The following ASIC2 variants were observed in gnomAD, a reference collection of about 807,000 sequenced individuals.
The protein encoded by ASIC2 is acid sensing ion channel subunit 2.
ASIC2 carries 25 observed loss-of-function variants against 57.3 expected under a neutral mutation model. The ratio of observed to expected loss-of-function variants is 0.44; its 90% confidence interval spans 0.32 to 0.61. ASIC2 has a LOEUF of 0.61. Ranked by LOEUF, ASIC2 falls within the 20% of genes least tolerant of loss-of-function variation. The pLI, the probability that ASIC2 is intolerant of heterozygous loss-of-function variation, is 0.06. For missense variants in ASIC2, 641 were observed against 738.1 expected (o/e 0.87, Z 1.52); for synonymous variants, 319 against 307.5 (o/e 1.04, Z -0.39).
intron 1 of ASIC2, among the ~76,000 whole-genome samples, chr17:33,282,479 G>GTGTGTGTGTGCT (rs1555592666): frequency 3.3e-4 from 48 of 147,110 alleles, no homozygotes; most frequent in South Asian, 1.3e-3. Context: ...GTGTGTGCTT[G>GTGTGTGTGTGCT]TGTGTGTGTG....
At chr17:33,903,478 C>T (rs1340009180) in intron 1 of ASIC2, among the ~76,000 whole-genome samples, 5 of 152,186 alleles carry the variant, frequency 3.3e-5, no homozygotes, top group Non-Finnish European at 5.9e-5. Context: ...ACACTGCATG[C>T]TTTCTTTAGA....
chr17:33,283,321 G>A (rs370448002), intron 1 of ASIC2, among the ~76,000 whole-genome samples: 63 of 151,466 alleles, frequency 4.2e-4, no homozygotes, highest in African/African-American at 1.5e-3. Flanking sequence ...GTCTCTCAAA[G>A]CGAGTGTGGT....
At chr17:33,629,431 G>A (rs951845277) in intron 1 of ASIC2, among the ~76,000 whole-genome samples, 4 of 152,158 alleles carry the variant, frequency 2.6e-5, no homozygotes, top group African/African-American at 9.7e-5. Flanking sequence ...AGAATCTGAC[G>A]GAAATCAGAG....
At chr17:33,958,779 C>T (rs907293731) in intron 1 of ASIC2, among the ~76,000 whole-genome samples, 1 of 152,176 alleles carries the variant, frequency 6.6e-6, no homozygotes, top group African/African-American at 2.4e-5. Context: ...CTCCTCATTA[C>T]TTATGCAAAT....
intron 1 of ASIC2, among the ~76,000 whole-genome samples, chr17:33,999,820 T>C (rs954643687): frequency 2.6e-5 from 4 of 152,172 alleles, no homozygotes; most frequent in African/African-American, 9.6e-5. Flanking sequence ...ATTAAAACAT[T>C]CAGGATTTAG....
chr17:33,901,044 C>T (rs1166601342), intron 1 of ASIC2, among the ~76,000 whole-genome samples: 1 of 152,184 alleles, frequency 6.6e-6, no homozygotes, highest in Non-Finnish European at 1.5e-5. Flanking sequence ...ACAAATCTAG[C>T]CACGTGTAAT....
chr17:33,061,623 C>CT (rs1401341706), intron 3 of ASIC2, among the ~76,000 whole-genome samples: 1 of 152,096 alleles, frequency 6.6e-6, no homozygotes, highest in Non-Finnish European at 1.5e-5. Context: ...CTAAAATTCT[C>CT]TTTTTTTGTT....
chr17:33,616,383 T>C (rs1436952921), intron 1 of ASIC2, among the ~76,000 whole-genome samples: 1 of 152,222 alleles, frequency 6.6e-6, no homozygotes, highest in African/African-American at 2.4e-5. Context: ...ATACGATATA[T>C]GCATTCGTGA....
chr17:33,159,361 C>A (rs541677105), intron 1 of ASIC2, among the ~76,000 whole-genome samples: 109 of 148,698 alleles, frequency 7.3e-4, no homozygotes, highest in African/African-American at 2.6e-3. Context: ...CTTTTTTTTG[C>A]TAAAATACTG....
intron 1 of ASIC2, among the ~76,000 whole-genome samples, chr17:33,875,110 G>T (rs1914516394): frequency 6.6e-6 from 1 of 152,206 alleles, no homozygotes; most frequent in African/African-American, 2.4e-5. Flanking sequence ...ATAATGCAGG[G>T]ATTGGAATGT....
chr17:33,850,294 AAAAAT>A (rs1201994707), intron 1 of ASIC2, among the ~76,000 whole-genome samples: 1 of 152,232 alleles, frequency 6.6e-6, no homozygotes, highest in Non-Finnish European at 1.5e-5. Context: ...TGCAACAGTC[AAAAAT>A]AAAATAAAGT....
At chr17:33,155,176 C>A (rs1015963769) in intron 1 of ASIC2, among the ~76,000 whole-genome samples, 1 of 152,238 alleles carries the variant, frequency 6.6e-6, no homozygotes, top group African/African-American at 2.4e-5. Flanking sequence ...AGGAGCCCAG[C>A]GCCCAACCCC....
At chr17:33,025,450 C>T (rs1319046511) in intron 5 of ASIC2, among the ~76,000 whole-genome samples, 6 of 152,160 alleles carry the variant, frequency 3.9e-5, no homozygotes, top group African/African-American at 1.4e-4. Flanking sequence ...CCCTCCTCCA[C>T]CTCCCCTAGG....
chr17:33,679,953 C>T (rs961666410), intron 1 of ASIC2, among the ~76,000 whole-genome samples: 10 of 151,884 alleles, frequency 6.6e-5, no homozygotes, highest in Admixed American at 1.3e-4. Context: ...CTGGTGAGGA[C>T]GGTATTATTA....
intron 3 of ASIC2, among the ~76,000 whole-genome samples, chr17:33,033,589 C>T (rs1425541630): frequency 6.6e-6 from 1 of 152,236 alleles, no homozygotes; most frequent in East Asian, 1.9e-4. Flanking sequence ...GTGGGTGACT[C>T]CTCCCACTGC....
chr17:33,780,101 G>A (rs531629050), intron 1 of ASIC2, among the ~76,000 whole-genome samples: 160 of 150,778 alleles, frequency 1.1e-3, no homozygotes, highest in Middle Eastern at 3.4e-3. Context: ...CTTCTGAGTA[G>A]CTGGGAACAC....
chr17:33,363,094 G>A (rs1360135362), intron 1 of ASIC2, among the ~76,000 whole-genome samples: 1 of 152,120 alleles, frequency 6.6e-6, no homozygotes, highest in Non-Finnish European at 1.5e-5. Context: ...TTTCTATAAA[G>A]GAAGAAATGC....
chr17:33,016,299 C>T (rs945453427), intron 8 of ASIC2, among the ~76,000 whole-genome samples: 1 of 152,186 alleles, frequency 6.6e-6, no homozygotes, highest in African/African-American at 2.4e-5. Flanking sequence ...GAACTGCTGT[C>T]TTTGTGGCTG....
chr17:33,228,346 T>C (rs931801136), intron 1 of ASIC2, among the ~76,000 whole-genome samples: 5 of 151,914 alleles, frequency 3.3e-5, no homozygotes, highest in Non-Finnish European at 7.4e-5. Flanking sequence ...GTTATCACAA[T>C]TGAAAAAAAA....
Sources: allele counts gnomAD v4.1 joint callset (sites outside exome capture counted in the v4.1 genomes callset), GRCh38; gene constraint gnomAD v4.1.1; transcripts MANE v1.5; gene names NCBI Gene and HGNC (gene_info 2026-07-23, HGNC 2026-07-21).